The following USP34 variants were observed in gnomAD, a reference collection of about 807,000 sequenced individuals.
USP34 encodes ubiquitin carboxyl-terminal hydrolase 34.
In USP34, 70 loss-of-function variants were observed where a neutral mutation model predicts 460.3. That is an observed-to-expected ratio of 0.15 (90% CI 0.13 to 0.19). The LOEUF (loss-of-function observed/expected upper bound fraction) is 0.19. Ranked by LOEUF, USP34 falls within the 10% of genes least tolerant of loss-of-function variation. The pLI, the probability that USP34 is intolerant of heterozygous loss-of-function variation, is 1.00. For synonymous variants in USP34, 1,647 were observed against 1,405.3 expected (o/e 1.17, Z -3.85); for missense variants, 3,985 against 4,236.2 (o/e 0.94, Z 1.65).
intron 2 of USP34, among the ~76,000 whole-genome samples, chr2:61,415,575 A>G (rs1313105161): frequency 6.6e-6 from 1 of 152,230 alleles, no homozygotes; most frequent in Non-Finnish European, 1.5e-5. Flanking sequence ...CAGCAATATA[A>G]GAAGAGTGTT....
chr2:61,195,312 T>C (rs1252632944), intron 75 of USP34, among the ~76,000 whole-genome samples: 1 of 149,500 alleles, frequency 6.7e-6, no homozygotes, highest in African/African-American at 2.5e-5. Flanking sequence ...TTGAAAGTGC[T>C]GGGAGTACAG....
At chr2:61,312,315 G>A (rs535712657) in intron 25 of USP34, among the ~76,000 whole-genome samples, 1 of 151,896 alleles carries the variant, frequency 6.6e-6, no homozygotes, top group South Asian at 2.1e-4. Context: ...AATTTTCAGG[G>A]ACAGAAACAT....
chr2:61,326,125 A>G (rs2103714770), intron 20 of USP34, among the ~76,000 whole-genome samples: 1 of 152,158 alleles, frequency 6.6e-6, no homozygotes, highest in African/African-American at 2.4e-5. Flanking sequence ...AAAGGAAGTC[A>G]GGGAAGAGTG....
chr2:61,356,160 A>G (rs906144918), intron 10 of USP34, among the ~76,000 whole-genome samples: 2 of 148,286 alleles, frequency 1.3e-5, no homozygotes, highest in African/African-American at 5.0e-5. Context: ...CCAAATGTCC[A>G]TCAACAGATG....
At chr2:61,237,370 C>A (rs1688097946) in intron 53 of USP34, among the ~76,000 whole-genome samples, 1 of 151,988 alleles carries the variant, frequency 6.6e-6, no homozygotes, top group South Asian at 2.1e-4. Flanking sequence ...AATTTTTGTC[C>A]CTTCAACCCC....
intron 59 of USP34, 97 bp downstream of exon 59, chr2:61,229,451 A>G (rs1447616938): frequency 3.6e-6 from 3 of 823,484 alleles, no homozygotes; most frequent in African/African-American, 2.1e-5. Flanking sequence ...AAGAAACCCT[A>G]TCTCTTAAAA....
chr2:61,204,748 T>G, intron 72 of USP34, 147 bp from the exon 73 acceptor site: 1 of 642,736 alleles, frequency 1.6e-6, no homozygotes, highest in Admixed American at 2.9e-5. Context: ...AAATTCTGTC[T>G]TATGCTCAAT....
At position 61,228,840 on chromosome 2, in the gene USP34, A is replaced by G. The variant is rs573808663; in HGVS notation, c.7355T>C (p.Met2452Thr). 2 of 1,595,366 alleles carry G rather than the reference A, an allele frequency of 1.3e-6. No homozygotes were observed. Among genetic ancestry groups the G allele is most frequent in the South Asian group, 1.1e-5 (1 of 87,756 alleles). ...ATATAGCCTCACCTCTTCTTCACCC[A>G]TTTTTGCAAATTCGTAAAGGAAGGC... ...YFAFLYEFAK[M>T]GEEESQFLLS... is the part of the protein sequence containing the mutation. The change falls in exon 60 of 80, where the codon ATG becomes ACG. Residue 2452 changes from methionine (M) to threonine (T), a missense_variant. Transcript: ENST00000398571.
At position 61,404,794 on chromosome 2, in the gene USP34, C is replaced by T. The variant is rs1445296210; in HGVS notation, c.552+914G>A. 2.0e-5 allele frequency among the ~76,000 whole-genome samples: 3 copies of T among 152,160 alleles called. No homozygotes were observed. In the East Asian group the frequency reaches 5.8e-4, roughly 29 times the overall value. Reference sequence around the variant, plus strand: ...CCACTGTTAAGTCATTAATATATTACCACATAATTGTCTCAATTCCCACTA... The same window carrying T: ...CCACTGTTAAGTCATTAATATATTATCACATAATTGTCTCAATTCCCACTA... On this transcript the variant is annotated intron_variant, in intron 3 of 79. Coordinates refer to ENST00000398571, the MANE Select transcript of USP34 (RefSeq NM_014709.4).
chr2:61,342,767 C>CATTTTA (rs1691646145), intron 16 of USP34, among the ~76,000 whole-genome samples: 2 of 152,180 alleles, frequency 1.3e-5, no homozygotes. Flanking sequence ...CATATACTAT[C>CATTTTA]ATTTTATTCT....
chr2:61,327,990 C>G (rs1269830535), intron 20 of USP34, among the ~76,000 whole-genome samples: 1 of 152,194 alleles, frequency 6.6e-6, no homozygotes, highest in African/African-American at 2.4e-5. Flanking sequence ...TCAGGAAACA[C>G]GTAATATGTC....
At chr2:61,343,791 A>G in intron 16 of USP34, 24 bp downstream of exon 16, 4 of 1,599,966 alleles carry the variant, frequency 2.5e-6, no homozygotes, top group Non-Finnish European at 2.6e-6. Context: ...AAGGTAATAT[A>G]TTTTACTTAC....
chr2:61,263,173 AT>A (rs36015748), intron 43 of USP34, among the ~76,000 whole-genome samples: 308 of 97,740 alleles, frequency 3.2e-3, no homozygotes, highest in African/African-American at 8.3e-3. Flanking sequence ...CACACATGGA[AT>A]TTTTTTTTTT....
intron 19 of USP34, among the ~76,000 whole-genome samples, chr2:61,331,865 G>A (rs1434256353): frequency 1.3e-5 from 2 of 151,780 alleles, no homozygotes; most frequent in Non-Finnish European, 1.5e-5. Context: ...ACAAATAGTG[G>A]CATATACATT....
chr2:61,297,012 A>C, intron 29 of USP34, 87 bp from the exon 30 acceptor site: 7 of 1,486,812 alleles, frequency 4.7e-6, no homozygotes, highest in Non-Finnish European at 6.3e-6. Context: ...GTAATGATCA[A>C]ATTTGCTAAT....
intron 1 of USP34, among the ~76,000 whole-genome samples, chr2:61,450,976 T>G (rs1371676233): frequency 1.3e-5 from 2 of 151,210 alleles, no homozygotes; most frequent in East Asian, 3.9e-4. Flanking sequence ...TCCCAGCACT[T>G]TGGGAGGCCA....
intron 25 of USP34, among the ~76,000 whole-genome samples, chr2:61,312,885 A>C (rs1690637644): frequency 6.6e-6 from 1 of 152,192 alleles, no homozygotes; most frequent in Non-Finnish European, 1.5e-5. Context: ...TCTGGCTGAG[A>C]ACCACTGTTT....
At chr2:61,418,927 A>G (rs1558583294) in intron 2 of USP34, among the ~76,000 whole-genome samples, 1 of 152,220 alleles carries the variant, frequency 6.6e-6, no homozygotes, top group Non-Finnish European at 1.5e-5. Flanking sequence ...TTTAGCTTAC[A>G]TCTTTTAATT....
At position 61,294,996 on chromosome 2, in the gene USP34, A is replaced by C; in HGVS notation, c.4414T>G (p.Ser1472Ala). 1 of 1,613,166 alleles carries C rather than the reference A, an allele frequency of 6.2e-7. No individual in the cohort carries two copies. The highest frequency in any genetic ancestry group is 1.1e-5 in the South Asian group (1 of 90,764). The change falls in exon 32 of 80, where the codon TCA (serine) becomes GCA (alanine). Residue 1472 changes from serine to alanine, a missense_variant. By Grantham distance (99) the Ser-to-Ala change is moderately conservative (BLOSUM62 1). Coordinates refer to ENST00000398571, the MANE Select transcript of USP34 (RefSeq NM_014709.4). ...CTATTTTCCACTTGATCTTCACTTG[A>C]ATCATCTGAATCTGGATAAAGATCA... ...YSDLYPDSDD[S>A]SEDQVENSKN... is the part of the protein sequence containing the mutation.
Sources: allele counts gnomAD v4.1 joint callset (sites outside exome capture counted in the v4.1 genomes callset), GRCh38; gene constraint gnomAD v4.1.1; transcripts MANE v1.5; gene names NCBI Gene and HGNC (gene_info 2026-07-23, HGNC 2026-07-21).